Variants in FLT3 observed in about 807,000 individuals in gnomAD.
The protein encoded by FLT3 is receptor-type tyrosine-protein kinase FLT3.
A neutral mutation model predicts 126.6 loss-of-function variants in FLT3; 46 were observed. That is an observed-to-expected ratio of 0.36 (90% CI 0.29 to 0.46). The LOEUF (loss-of-function observed/expected upper bound fraction) is 0.46, where lower values mean the gene tolerates loss of function less well. Ranked by LOEUF, FLT3 falls within the 20% of genes least tolerant of loss-of-function variation. FLT3 has a pLI of 1.00. For synonymous variants in FLT3, 404 were observed against 434.4 expected, an observed-to-expected ratio of 0.93 and a Z score of 0.87; for missense variants, 1,069 against 1,190.3, an observed-to-expected ratio of 0.90 and a Z score of 1.50.
intron 1 of FLT3, among the ~76,000 whole-genome samples, chr13:28,088,951 A>C (rs1371457284): frequency 6.6e-6 from 1 of 152,172 alleles, no homozygotes; most frequent in Non-Finnish European, 1.5e-5. Flanking sequence ...TATACATGTG[A>C]AAAAGGACTT....
intron 1 of FLT3, among the ~76,000 whole-genome samples, chr13:28,083,791 T>C (rs1047536862): frequency 1.3e-5 from 2 of 152,186 alleles, no homozygotes; most frequent in Non-Finnish European, 2.9e-5. Flanking sequence ...TATTTCCATA[T>C]TAACCGTTTA....
At chr13:28,010,823 A>G (rs1009845775) in intron 23 of FLT3, among the ~76,000 whole-genome samples, 18 of 152,102 alleles carry the variant, frequency 1.2e-4, no homozygotes, top group Non-Finnish European at 2.6e-4. Context: ...CCTGGCCAAC[A>G]TGGTAAAACC....
chr13:28,019,845 G>A lies in FLT3; in HGVS notation c.2419-1256C>T, dbSNP rs182134827. ...CCTGCTTTCTCCCCACTGCTCTGCC[G>A]GCTCCTGTCTCCCTCAGGGGCTTTG... is the stretch of plus-strand genomic sequence containing the variant. On this transcript the variant is annotated intron_variant, in intron 19 of 23. Transcript: ENST00000241453. Among the ~76,000 whole-genome samples, 278 of 152,172 alleles carry A rather than the reference G, an allele frequency of 1.8e-3. 2 individuals are homozygous for A. The highest frequency in any genetic ancestry group is 1.2e-3 in the Non-Finnish European group (83 of 67,994).
chr13:28,044,449 CA>C (rs34061361), intron 9 of FLT3, among the ~76,000 whole-genome samples: 82,423 of 128,912 alleles, frequency 0.64, 24,284 homozygotes, highest in East Asian at 0.83. Context: ...GACTCTGTCT[CA>C]AAAAAAAAAA....
chr13:28,037,132 A>G (rs543558025), intron 10 of FLT3, 53 bp downstream of exon 10: 30 of 1,104,186 alleles, frequency 2.7e-5, no homozygotes, highest in Non-Finnish European at 3.9e-5. Context: ...TAAGACTAAT[A>G]AAAAATTAAG....
intron 1 of FLT3, among the ~76,000 whole-genome samples, chr13:28,071,962 A>T (rs2137791777): frequency 6.6e-6 from 1 of 152,090 alleles, no homozygotes; most frequent in Non-Finnish European, 1.5e-5. Flanking sequence ...GGTGTGAGCC[A>T]CTACACCCAG....
intron 2 of FLT3, among the ~76,000 whole-genome samples, chr13:28,062,771 A>AAGGC (rs1257994234): frequency 6.6e-6 from 1 of 150,516 alleles, no homozygotes; most frequent in Non-Finnish European, 1.5e-5. Flanking sequence ...AGGAGATTTG[A>AAGGC]AGGCAGATAC....
intron 1 of FLT3, among the ~76,000 whole-genome samples, chr13:28,091,862 G>A (rs1191585520): frequency 6.6e-6 from 1 of 152,040 alleles, no homozygotes; most frequent in African/African-American, 2.4e-5. Flanking sequence ...TTGACGTCAG[G>A]AGTTCGAAAC....
chr13:28,053,602 T>A (rs1013319401), intron 4 of FLT3, among the ~76,000 whole-genome samples: 2 of 152,082 alleles, frequency 1.3e-5, no homozygotes, highest in Non-Finnish European at 2.9e-5. Context: ...TTCAAAGTAG[T>A]TATACCAAAT....
chr13:28,099,127 A>G (rs1879659185), intron 1 of FLT3, among the ~76,000 whole-genome samples: 1 of 152,180 alleles, frequency 6.6e-6, no homozygotes, highest in African/African-American at 2.4e-5. Flanking sequence ...GAGACATAGA[A>G]ATTTCTGAAT....
chr13:28,065,163 CAATA>C (rs373503812), intron 2 of FLT3, among the ~76,000 whole-genome samples: 101 of 152,100 alleles, frequency 6.6e-4, no homozygotes, highest in African/African-American at 2.4e-3. Flanking sequence ...CACTTGTGCA[CAATA>C]AATACTGGAA....
intron 9 of FLT3, among the ~76,000 whole-genome samples, chr13:28,042,934 C>A (rs76816674): frequency 0.047 from 7,099 of 151,348 alleles, 267 homozygotes; most frequent in Non-Finnish European, 0.067. Context: ...AATTGTGTGT[C>A]ACTCATTGTA....
intron 23 of FLT3, among the ~76,000 whole-genome samples, chr13:28,004,408 C>T (rs1403473815): frequency 1.3e-5 from 2 of 152,080 alleles, no homozygotes; most frequent in Non-Finnish European, 2.9e-5. Context: ...TGGGTTTGAG[C>T]AATCCTCCCA....
chr13:28,058,476 C>T (rs1876237397), intron 3 of FLT3, among the ~76,000 whole-genome samples: 1 of 152,080 alleles, frequency 6.6e-6, no homozygotes, highest in South Asian at 2.1e-4. Context: ...CATGCCATTG[C>T]ACTCCAGCCT....
At chr13:28,060,681 C>T (rs1274771182) in intron 3 of FLT3, among the ~76,000 whole-genome samples, 1 of 151,976 alleles carries the variant, frequency 6.6e-6, no homozygotes, top group East Asian at 1.9e-4. Context: ...CATCGGCTCA[C>T]CGAACATCCC....
At chr13:28,052,075 T>C (rs936183247) in intron 5 of FLT3, among the ~76,000 whole-genome samples, 1 of 151,524 alleles carries the variant, frequency 6.6e-6, no homozygotes, top group Non-Finnish European at 1.5e-5. Flanking sequence ...GTATTACTTA[T>C]TTATTTTATT....
At chr13:28,085,343 C>CAAAAAAAAAAAA (rs59478584) in intron 1 of FLT3, among the ~76,000 whole-genome samples, 11 of 82,276 alleles carry the variant, frequency 1.3e-4, no homozygotes, top group African/African-American at 5.2e-4. Context: ...GACTCCATCT[C>CAAAAAAAAAAAA]AAAAAAAAAA....
At chr13:28,085,070 G>A (rs1878572131) in intron 1 of FLT3, among the ~76,000 whole-genome samples, 1 of 151,992 alleles carries the variant, frequency 6.6e-6, no homozygotes, top group Non-Finnish European at 1.5e-5. Flanking sequence ...TGCAAGCCGG[G>A]GCGGTGGCTC....
chr13:28,007,695 G>A (rs1252639309), intron 23 of FLT3, among the ~76,000 whole-genome samples: 1 of 152,094 alleles, frequency 6.6e-6, no homozygotes, highest in Non-Finnish European at 1.5e-5. Context: ...TGTTACCTTA[G>A]GCAAATTACT....
Sources: gnomAD v4.1 joint callset for allele counts (sites outside exome capture counted in the v4.1 genomes callset) on GRCh38, gnomAD v4.1.1 for gene constraint, MANE v1.5 for transcripts, NCBI Gene and HGNC (gene_info 2026-07-23, HGNC 2026-07-21) for gene names.